TCF7L2: variants seen among roughly 807,000 people sequenced by gnomAD.
TCF7L2 encodes transcription factor 7 like 2.
In TCF7L2, 23 loss-of-function variants were observed where a neutral mutation model predicts 77.9. The ratio of observed to expected loss-of-function variants is 0.30; its 90% confidence interval spans 0.21 to 0.42. The LOEUF is 0.42. Ranked by LOEUF, TCF7L2 falls within the 10% of genes least tolerant of loss-of-function variation. TCF7L2 has a pLI of 1.00. For synonymous variants in TCF7L2, 413 were observed against 340.2 expected (o/e 1.21, Z -2.36); for missense variants, 654 against 793.1 (o/e 0.82, Z 2.11).
At chr10:113,019,669 A>G (rs576396679) in intron 4 of TCF7L2, among the ~76,000 whole-genome samples, 3 of 152,354 alleles carry the variant, frequency 2.0e-5, no homozygotes, top group Admixed American at 6.5e-5. Flanking sequence ...AAAGGGTCCA[A>G]TCCACTTGGA....
chr10:113,022,095 T>G (rs1171008388), intron 4 of TCF7L2, among the ~76,000 whole-genome samples: 1 of 152,256 alleles, frequency 6.6e-6, no homozygotes, highest in Non-Finnish European at 1.5e-5. Context: ...TGACAGGTTT[T>G]CTTTGAGATT....
At chr10:113,057,192 A>G (rs942662211) in intron 5 of TCF7L2, among the ~76,000 whole-genome samples, 2 of 152,148 alleles carry the variant, frequency 1.3e-5, no homozygotes, top group Non-Finnish European at 2.9e-5. Context: ...CCCTGTAAAC[A>G]CATACTTGGT....
intron 4 of TCF7L2, among the ~76,000 whole-genome samples, chr10:112,996,675 GT>G (rs2043543931): frequency 6.6e-6 from 1 of 152,184 alleles, no homozygotes; most frequent in African/African-American, 2.4e-5. Flanking sequence ...ATCAGTGCTG[GT>G]GAAGCCTGAA....
At chr10:113,155,562 A>G (rs1224456645) in intron 11 of TCF7L2, among the ~76,000 whole-genome samples, 1 of 152,198 alleles carries the variant, frequency 6.6e-6, no homozygotes, top group Non-Finnish European at 1.5e-5. Flanking sequence ...TCCGTGCTAT[A>G]TCCTAAAGGC....
chr10:113,007,177 G>C (rs919621240), intron 4 of TCF7L2, among the ~76,000 whole-genome samples: 29 of 152,188 alleles, frequency 1.9e-4, no homozygotes, highest in African/African-American at 6.8e-4. Context: ...AGGATCATGG[G>C]GTAGCATCTG....
intron 13 of TCF7L2, among the ~76,000 whole-genome samples, chr10:113,163,163 A>G (rs1467475051): frequency 6.6e-6 from 1 of 152,122 alleles, no homozygotes; most frequent in Non-Finnish European, 1.5e-5. Flanking sequence ...CGTGTTCCAG[A>G]TACCCCTCTC....
At chr10:112,953,817 T>C (rs1415215765) in intron 3 of TCF7L2, among the ~76,000 whole-genome samples, 2 of 152,222 alleles carry the variant, frequency 1.3e-5, no homozygotes, top group Non-Finnish European at 2.9e-5. Flanking sequence ...GTTATTTTAA[T>C]TGTGGACATA....
chr10:113,152,837 T>C (rs2137197149), intron 11 of TCF7L2, among the ~76,000 whole-genome samples: 1 of 152,292 alleles, frequency 6.6e-6, no homozygotes. Flanking sequence ...GGAAGACCAG[T>C]GGGTAGGTGT....
rs185317090 is a variant in TCF7L2, at chr10:113,032,380, T to C, written c.451-7645T>C. Among the ~76,000 whole-genome samples, 251 of 152,358 alleles carry C rather than the reference T, an allele frequency of 1.6e-3. 1 individual carries two copies. The highest frequency in any genetic ancestry group is 5.5e-3 in the African/African-American group (227 of 41,584). ...GTTTTGTTAATTGGATTTTTTTGTT[T>C]GTTAGTTATTTGTTTTGCTTCATTG... On this transcript the variant is annotated intron_variant, in intron 4 of 13. Transcript: ENST00000627217.
rs372430859 is a variant in TCF7L2, at chr10:113,151,684, G to C, written c.1002-41G>C. Reference sequence around the variant, plus strand: ...CCTGCCATGGAGGAAGTTGGACCACGACCTTGTTTATTGGGTTGCGTCTGT... The same window carrying C: ...CCTGCCATGGAGGAAGTTGGACCACCACCTTGTTTATTGGGTTGCGTCTGT... On this transcript the variant is annotated intron_variant, in intron 9 of 13. Transcript: ENST00000627217. The surrounding 1 kb of genome is among the most constrained non-coding windows in gnomAD (Gnocchi z 5.2). The C allele has an allele frequency of 6.5e-7, 1 of 1,547,156 alleles. No individual in the cohort carries two copies. The highest frequency in any genetic ancestry group is 2.2e-5 in the Admixed American group (1 of 46,056).
rs146262265 is a variant in TCF7L2, at chr10:112,978,528, C to T, written c.450+13904C>T. Among the ~76,000 whole-genome samples, 1,100 of 150,732 alleles carry T rather than the reference C, an allele frequency of 7.3e-3. 9 individuals are homozygous for T. Among genetic ancestry groups the T allele is most frequent in the East Asian group, 0.018 (90 of 5,120 alleles). ...TCACCCAGGCTAGAGTACAGTGGTG[C>T]GATCTCGGCTCAGTGCAAGCTCTGC... On this transcript the variant is annotated intron_variant, in intron 4 of 13. Coordinates refer to ENST00000627217, the MANE Select transcript of TCF7L2 (RefSeq NM_001146274.2).
At chr10:113,066,305 C>T (rs1440239091) in intron 5 of TCF7L2, among the ~76,000 whole-genome samples, 1 of 151,350 alleles carries the variant, frequency 6.6e-6, no homozygotes, top group African/African-American at 2.4e-5. Flanking sequence ...GCAGAGGTTG[C>T]ACTGAGCTGA....
Position 113,033,181 on chromosome 10 carries a change from T to C in TCF7L2, c.451-6844T>C, listed in dbSNP as rs557500791. Among the ~76,000 whole-genome samples, 88 of 151,210 alleles carry C rather than the reference T, an allele frequency of 5.8e-4. 1 individual carries two copies. In the South Asian group the frequency reaches 0.018, roughly 32 times the overall value. The stretch of plus-strand genomic sequence containing the variant: ...TCTTTTTTTCTTTTCCCTCCCTCCC[T>C]CCTTTCCTCCTCCTCCTTCCCTTCC... On this transcript the variant is annotated intron_variant, in intron 4 of 13. Coordinates refer to ENST00000627217, the MANE Select transcript of TCF7L2 (RefSeq NM_001146274.2).
At chr10:113,152,579 A>T in intron 11 of TCF7L2, 139 bp downstream of exon 11, 1 of 642,702 alleles carries the variant, frequency 1.6e-6, no homozygotes, top group South Asian at 2.0e-5. Flanking sequence ...GACTGGTAGC[A>T]TCTTCCTGGA....
intron 5 of TCF7L2, among the ~76,000 whole-genome samples, chr10:113,110,377 T>G (rs1207762230): frequency 4.7e-4 from 72 of 151,640 alleles, no homozygotes; most frequent in Middle Eastern, 3.4e-3. Context: ...GGGTTTTTTT[T>G]TTTTTTTTTT....
At chr10:113,129,661 G>C (rs2066245406) in intron 5 of TCF7L2, 2 of 1,185,678 alleles carry the variant, frequency 1.7e-6, no homozygotes, top group African/African-American at 1.6e-5. Flanking sequence ...GAGCCTACTC[G>C]GCCAGGAATC....
intron 3 of TCF7L2, among the ~76,000 whole-genome samples, chr10:112,963,529 T>C (rs1474410374): frequency 2.0e-5 from 3 of 152,232 alleles, no homozygotes; most frequent in Non-Finnish European, 4.4e-5. Context: ...TGGACATCAA[T>C]TTCACAGGGT....
At chr10:113,018,470 A>T (rs1469527331) in intron 4 of TCF7L2, among the ~76,000 whole-genome samples, 4 of 37,852 alleles carry the variant, frequency 1.1e-4, no homozygotes, top group African/African-American at 2.5e-4. Context: ...TTTTTTTTTT[A>T]AAGACAGAGA....
At chr10:113,097,446 A>G (rs1564889737) in intron 5 of TCF7L2, among the ~76,000 whole-genome samples, 1 of 152,062 alleles carries the variant, frequency 6.6e-6, no homozygotes, top group Non-Finnish European at 1.5e-5. Context: ...TGAGGTCAGG[A>G]GTTCGAGACC....
Sources: gnomAD v4.1 joint callset for allele counts (sites outside exome capture counted in the v4.1 genomes callset) on GRCh38, gnomAD v4.1.1 for gene constraint, Gnocchi (gnomAD v3.1) non-coding constraint, MANE v1.5 for transcripts, NCBI Gene and HGNC (gene_info 2026-07-23, HGNC 2026-07-21) for gene names.